LGI4: variants seen among roughly 807,000 people sequenced by gnomAD.
The protein encoded by LGI4 is leucine rich repeat LGI family member 4.
Under a neutral mutation model 48.3 loss-of-function variants are expected in LGI4, and 36 were observed. The observed-to-expected ratio is 0.75, with a 90% CI of 0.57 to 0.98. The LOEUF (loss-of-function observed/expected upper bound fraction) is 0.98, where lower values mean the gene tolerates loss of function less well. LGI4 is among the 50% of genes least tolerant of loss of function. The pLI is 0.00. For missense variants in LGI4, 701 were observed against 732.1 expected (o/e 0.96, Z 0.49); for synonymous variants, 355 against 331.6 (o/e 1.07, Z -0.77).
chr19:35,133,994 C>T, intron 2 of LGI4, 39 bp downstream of exon 2: 2 of 1,542,174 alleles, frequency 1.3e-6, no homozygotes, highest in African/African-American at 1.4e-5. Context: ...AACGCACACT[C>T]CCTTGAGCTG....
chr19:35,125,312 G>C lies in LGI4; in HGVS notation c.1495C>G (p.Leu499Val), dbSNP rs1042477573. Residue 499 changes from leucine to valine, a missense_variant, in exon 9 of 9, where the codon CTG becomes GTG. By Grantham distance (32) the Leu-to-Val change is conservative. This residue lies in a region of LGI4 where 223 missense variants were observed against 263.3 expected (regional missense o/e 0.85). Transcript: ENST00000310123. ...EPLQELGPPA[L>V]VAPRAFAHIT... ...TGGGCAAAGGCACGGGGGGCCACCAGGGCCGGAGGCCCCAGCTCCTGCAGT... is the reference window on the plus strand; with the variant it reads ...TGGGCAAAGGCACGGGGGGCCACCACGGCCGGAGGCCCCAGCTCCTGCAGT... The C allele has an allele frequency of 5.6e-6, 9 of 1,611,822 alleles. No homozygotes were observed. The Admixed American group carries it at 1.5e-4, about 27-fold the overall frequency.
intron 6 of LGI4, among the ~76,000 whole-genome samples, chr19:35,129,210 A>C (rs540230936): frequency 5.2e-4 from 79 of 152,166 alleles, no homozygotes; most frequent in Non-Finnish European, 1.0e-3. Context: ...TTGAATGAAG[A>C]GGGACTCCCT....
rs1020756389 is a variant in LGI4, at chr19:35,134,195, G to A, written c.171-91C>T. 59 of 1,186,596 alleles carry A rather than the reference G, an allele frequency of 5.0e-5. No homozygotes were observed. The African/African-American group carries it at 5.0e-4, about 10-fold the overall frequency. 73.5% of individuals were successfully genotyped at this position (1,186,596 alleles called of 1,614,324 possible). A position where few individuals can be genotyped will look rare whatever the true frequency, so the allele number is the denominator to read the frequency against. On this transcript the variant is annotated intron_variant, in intron 1 of 8. Coordinates refer to ENST00000310123, the MANE Select transcript of LGI4 (RefSeq NM_139284.3). ...CTTCTGCCATCCGGGAGACCCCAGC[G>A]TGCCACCCTGACCCTGGATGTGTCT...
rs2065143302 is a variant in LGI4 at position 35,126,882 on chromosome 19, T to C, written c.764A>G (p.Gln255Arg). The C allele has an allele frequency of 6.2e-7, 1 of 1,613,162 alleles. No individual in the cohort carries two copies. Among genetic ancestry groups the C allele is most frequent in the African/African-American group, 1.3e-5 (1 of 75,048 alleles). Residue 255 changes from glutamine to arginine, a missense_variant, in exon 7 of 9, where the codon CAG becomes CGG. Transcript: ENST00000310123. ...CLILSWDYSLQRFRPEEELPA... is the reference protein window; with the variant it reads ...CLILSWDYSLRRFRPEEELPA... Reference sequence around the variant, plus strand: ...CAGCTCTTCCTCGGGCCGGAAGCGCTGCAGGCTGTAGTCCCAGGAGAGAAT... The same window carrying C: ...CAGCTCTTCCTCGGGCCGGAAGCGCCGCAGGCTGTAGTCCCAGGAGAGAAT...
chr19:35,128,699 G>A (rs1320922441), intron 6 of LGI4, among the ~76,000 whole-genome samples: 2 of 152,122 alleles, frequency 1.3e-5, no homozygotes, highest in African/African-American at 4.8e-5. Context: ...GCGACAGAGT[G>A]AGATCCTGTT....
chr19:35,132,144 T>C lies in LGI4; in HGVS notation c.315-102A>G, dbSNP rs141662136. 9.9e-4 allele frequency: 933 copies of C among 941,516 alleles called. 2 individuals carry two copies. The highest frequency in any genetic ancestry group is 1.2e-3 in the Non-Finnish European group (702 of 594,448). The allele number at this position is 941,516 out of a possible 1,614,324, so 58.3% of individuals were successfully genotyped here. ...TGGAAGGTGCTGAATTCTCTTCCAATACCACGGACAATCCCAGGGAAAGCC... is the reference window on the plus strand; with the variant it reads ...TGGAAGGTGCTGAATTCTCTTCCAACACCACGGACAATCCCAGGGAAAGCC... On this transcript the variant is annotated intron_variant, in intron 3 of 8. Coordinates refer to ENST00000310123, the MANE Select transcript of LGI4 (RefSeq NM_139284.3).
In LGI4 at chr19:35,131,758, C is replaced by G. The variant is rs373563054; in HGVS notation, c.458+31G>C. The G allele has an allele frequency of 8.6e-6, 13 of 1,510,466 alleles. No individual in the cohort carries two copies. In the Admixed American group the frequency reaches 2.6e-4, roughly 30 times the overall value. 93.6% of individuals were successfully genotyped at this position (1,510,466 alleles called of 1,614,324 possible). On this transcript the variant is annotated intron_variant, in intron 5 of 8. Transcript: ENST00000310123. ...CCCGCCGACACAAACATTCCCCAAC[C>G]CCCCACATTCCCAGCCCCCATGAGC...
At position 35,131,863 on chromosome 19, in the gene LGI4, G is replaced by A; in HGVS notation, c.387-3C>T. 1 of 1,571,200 alleles carries A rather than the reference G, an allele frequency of 6.4e-7. No homozygotes were observed. The highest frequency in any genetic ancestry group is 1.3e-5 in the African/African-American group (1 of 74,140). On this transcript the variant is annotated splice_polypyrimidine_tract_variant and splice_region_variant and intron_variant, in intron 4 of 8. Transcript: ENST00000310123. ...CCAGATGGTTATTGGCCAGGCTTCT[G>A]GTGGAGGAAGAGAAGGCACCGTCAG...
Position 35,131,964 on chromosome 19 carries a change from C to T in LGI4, c.386+7G>A, listed in dbSNP as rs570149262. The T allele has an allele frequency of 1.9e-6, 3 of 1,586,626 alleles. No individual in the cohort carries two copies. The highest frequency in any genetic ancestry group is 2.3e-5 in the East Asian group (1 of 43,748). ...TCATGGAGGGCTGGGGCGGTGGAGG[C>T]ACGCACAGGTGTGTAAGCGAGCGAA... On this transcript the variant is annotated splice_region_variant and intron_variant, in intron 4 of 8. Transcript: ENST00000310123.
chr19:35,127,280 G>C (rs1473116702), intron 6 of LGI4, among the ~76,000 whole-genome samples: 1 of 152,154 alleles, frequency 6.6e-6, no homozygotes, highest in Non-Finnish European at 1.5e-5. Context: ...CACCTTCTAG[G>C]CTCAAGCAAT....
Position 35,126,616 on chromosome 19 carries a change from T to G in LGI4, c.953A>C (p.Asn318Thr), listed in dbSNP as rs1398767433. 6.5e-7 allele frequency: 1 copy of G among 1,541,834 alleles called. No individual in the cohort carries two copies. Among genetic ancestry groups the G allele is most frequent in the Non-Finnish European group, 8.7e-7 (1 of 1,149,798 alleles). The change falls in exon 8 of 9, where the codon AAT becomes ACT. Residue 318 changes from asparagine (N) to threonine (T), a missense_variant. This residue lies in a region of LGI4 where 462 missense variants were observed against 436.4 expected (regional missense o/e 1.06). Transcript: ENST00000310123. ...TTCCAGCCACAGGAGCTCGGCGTCA[T>G]TGGGCCGCAGCAGCCGCCGCGGGGC... The part of the protein sequence containing the change: ...TLAPRRLLRP[N>T]DAELLWLEGQ...
Position 35,126,413 on chromosome 19 carries a change from G to A in LGI4, c.1156C>T (p.Arg386Trp), listed in dbSNP as rs772380889. ...CCGGTCCAGTGGAAGAGCACGGGCCGCTGGGAAGCCGAGGCCAGCAGCAGG... is the reference window on the plus strand; with the variant it reads ...CCGGTCCAGTGGAAGAGCACGGGCCACTGGGAAGCCGAGGCCAGCAGCAGG... ...PHLLLASASQ[R>W]PVLFHWTGGR... Residue 386 changes from arginine (R) to tryptophan (W), a missense_variant, in exon 8 of 9, where the codon CGG becomes TGG. Physicochemically the swap from Arg to Trp is moderately radical, Grantham distance 101. This residue lies in a region of LGI4 where 223 missense variants were observed against 263.3 expected (regional missense o/e 0.85). Coordinates refer to ENST00000310123, the MANE Select transcript of LGI4 (RefSeq NM_139284.3). The A allele has an allele frequency of 1.2e-5, 19 of 1,607,266 alleles. No homozygotes were observed. Among genetic ancestry groups the A allele is most frequent in the Non-Finnish European group, 1.6e-5 (19 of 1,178,332 alleles).
rs2145365672 is a variant in LGI4 at position 35,130,841 on chromosome 19, C to T, written c.628+545G>A. On this transcript the variant is annotated intron_variant, in intron 6 of 8. Coordinates refer to ENST00000310123, the MANE Select transcript of LGI4 (RefSeq NM_139284.3). Reference sequence around the variant, plus strand: ...AGCTTTCCCCATCCCTGCCCTGACCCCTCTGGCTGGGCCTCCCCATCCTGC... The same window carrying T: ...AGCTTTCCCCATCCCTGCCCTGACCTCTCTGGCTGGGCCTCCCCATCCTGC... 2.0e-5 allele frequency among the ~76,000 whole-genome samples: 3 copies of T among 152,328 alleles called. No homozygotes were observed. In the East Asian group the frequency reaches 5.8e-4, roughly 29 times the overall value.
At position 35,131,877 on chromosome 19, in the gene LGI4, A is replaced by T. The variant is rs1205714145; in HGVS notation, c.387-17T>A. ...GCCAGGCTTCTGGTGGAGGAAGAGA[A>T]GGCACCGTCAGCAGCCACAAGGATA... is the stretch of plus-strand genomic sequence containing the variant. On this transcript the variant is annotated splice_polypyrimidine_tract_variant and intron_variant, in intron 4 of 8. Coordinates refer to ENST00000310123, the MANE Select transcript of LGI4 (RefSeq NM_139284.3). 3 of 1,566,618 alleles carry T rather than the reference A, an allele frequency of 1.9e-6. No individual in the cohort carries two copies. The highest frequency in any genetic ancestry group is 2.6e-6 in the Non-Finnish European group (3 of 1,155,012).
At chr19:35,129,856 C>T (rs940028072) in intron 6 of LGI4, among the ~76,000 whole-genome samples, 8 of 151,680 alleles carry the variant, frequency 5.3e-5, no homozygotes, top group Non-Finnish European at 5.9e-5. Flanking sequence ...GTCTCCTGCT[C>T]GTCCCTGGGA....
rs1240200016 is a variant in LGI4, at chr19:35,134,023, C to A, written c.242+10G>T. The A allele has an allele frequency of 6.4e-7, 1 of 1,556,682 alleles. No homozygotes were observed. On this transcript the variant is annotated intron_variant, in intron 2 of 8. Transcript: ENST00000310123. Reference sequence around the variant, plus strand: ...TGAGCTGGTTGTCGGCCCAGCCAGGCCCCACTCACAGCAGGTGCAGAGACG... The same window carrying A: ...TGAGCTGGTTGTCGGCCCAGCCAGGACCCACTCACAGCAGGTGCAGAGACG...
chr19:35,132,125 G>T, intron 3 of LGI4, 83 bp from the exon 4 acceptor site: 1 of 1,160,108 alleles, frequency 8.6e-7, no homozygotes. Context: ...CCACTGGAAG[G>T]TGCTGAATTC....
intron 6 of LGI4, 80 bp from the exon 7 acceptor site, chr19:35,127,097 T>A: frequency 1.4e-6 from 2 of 1,396,560 alleles, no homozygotes; most frequent in Non-Finnish European, 1.9e-6. Flanking sequence ...CCTACATCTC[T>A]GAAATGGAGG....
chr19:35,131,843 T>A lies in LGI4; in HGVS notation c.404A>T (p.His135Leu), dbSNP rs996367538. 4 of 1,574,330 alleles carry A rather than the reference T, an allele frequency of 2.5e-6. No homozygotes were observed. The highest frequency in any genetic ancestry group is 2.6e-6 in the Non-Finnish European group (3 of 1,159,752). ...SLTHLSLANNHLETLPRFLFR... is the reference protein window; with the variant it reads ...SLTHLSLANNLLETLPRFLFR... ...CAGGAATCTGGGGAGGGTCTCCAGATGGTTATTGGCCAGGCTTCTGGTGGA... is the reference window on the plus strand; with the variant it reads ...CAGGAATCTGGGGAGGGTCTCCAGAAGGTTATTGGCCAGGCTTCTGGTGGA... Residue 135 changes from histidine (H) to leucine (L), a missense_variant, in exon 5 of 9, where the codon CAT becomes CTT. Around this residue, in one of 3 missense-constraint regions of LGI4, gnomAD observed 462 missense variants for 436.4 expected, o/e 1.06. Transcript: ENST00000310123.
Sources: gnomAD v4.1 joint callset for allele counts (sites outside exome capture counted in the v4.1 genomes callset) on GRCh38, gnomAD v4.1.1 for gene constraint, gnomAD v4.1.1 regional missense constraint, MANE v1.5 for transcripts, NCBI Gene and HGNC (gene_info 2026-07-23, HGNC 2026-07-21) for gene names.